SLC4A4: variants seen among roughly 807,000 people sequenced by gnomAD.
SLC4A4 encodes solute carrier family 4 member 4, also known as electrogenic sodium bicarbonate cotransporter 1.
SLC4A4 carries 27 observed loss-of-function variants against 111.5 expected under a neutral mutation model. The observed-to-expected ratio is 0.24, with a 90% CI of 0.18 to 0.33. The LOEUF is 0.33. SLC4A4 is among the 10% of genes least tolerant of loss of function. The pLI, the probability that SLC4A4 is intolerant of heterozygous loss-of-function variation, is 1.00. For synonymous variants in SLC4A4, 443 were observed against 463.4 expected, an observed-to-expected ratio of 0.96 and a Z score of 0.57; for missense variants, 909 against 1,315.5, an observed-to-expected ratio of 0.69 and a Z score of 4.78.
At chr4:71,336,038 A>G (rs1227096232) in intron 3 of SLC4A4, among the ~76,000 whole-genome samples, 1 of 152,220 alleles carries the variant, frequency 6.6e-6, no homozygotes, top group Non-Finnish European at 1.5e-5. Context: ...ACTCTGTAAG[A>G]TCAGAGATCT....
intron 6 of SLC4A4, among the ~76,000 whole-genome samples, chr4:71,369,154 G>A (rs537838895): frequency 1.3e-5 from 2 of 152,284 alleles, no homozygotes; most frequent in African/African-American, 4.8e-5. Flanking sequence ...TCAATGGCTG[G>A]GGAAAGGGCA....
At chr4:71,280,772 A>G (rs938222187) in intron 3 of SLC4A4, among the ~76,000 whole-genome samples, 1 of 152,034 alleles carries the variant, frequency 6.6e-6, no homozygotes, top group Non-Finnish European at 1.5e-5. Flanking sequence ...TTTCTCTGTT[A>G]TCTTTTAAAA....
intron 2 of SLC4A4, among the ~76,000 whole-genome samples, chr4:71,162,550 C>G (rs762056733): frequency 6.6e-6 from 1 of 152,136 alleles, no homozygotes; most frequent in Non-Finnish European, 1.5e-5. Context: ...TCTTATTGCT[C>G]CTTGTCCTTA....
chr4:71,174,488 T>A (rs564309262), intron 2 of SLC4A4, among the ~76,000 whole-genome samples: 11 of 152,122 alleles, frequency 7.2e-5, no homozygotes, highest in African/African-American at 2.7e-4. Flanking sequence ...ACTCAAGTAA[T>A]CCACCCACTT....
At chr4:71,465,716 ATTAT>A (rs1392168736) in intron 12 of SLC4A4, among the ~76,000 whole-genome samples, 1 of 151,900 alleles carries the variant, frequency 6.6e-6, no homozygotes, top group East Asian at 2.0e-4. Flanking sequence ...CTTTGTTTTT[ATTAT>A]TCTAAAGGAA....
intron 3 of SLC4A4, among the ~76,000 whole-genome samples, chr4:71,293,993 A>C (rs2579340): frequency 0.033 from 4,959 of 152,290 alleles, 286 homozygotes; most frequent in African/African-American, 0.11. Flanking sequence ...ATACATGATA[A>C]AGAAATTCTG....
Position 71,487,073 on chromosome 4 carries a change from G to T in SLC4A4, c.1974+55G>T, listed in dbSNP as rs557329063. 3 of 1,012,194 alleles carry T rather than the reference G, an allele frequency of 3.0e-6. No individual in the cohort carries two copies. The Admixed American group carries it at 5.2e-5, about 17-fold the overall frequency. The allele number at this position is 1,012,194 out of a possible 1,614,324, so 62.7% of individuals were successfully genotyped here. The stretch of plus-strand genomic sequence containing the variant: ...CATACTGACTGCATATTGTATACTT[G>T]TTTATAATACTTATAATATATGATG... On this transcript the variant is annotated intron_variant, in intron 15 of 25. Transcript: ENST00000264485.
chr4:71,080,567 G>A (rs774612126), intron 1 of SLC4A4, among the ~76,000 whole-genome samples: 1 of 152,068 alleles, frequency 6.6e-6, no homozygotes, highest in Non-Finnish European at 1.5e-5. Flanking sequence ...AATGGTCTCA[G>A]GTGTTTTCCC....
At chr4:71,540,688 A>T (rs1414227489) in intron 18 of SLC4A4, among the ~76,000 whole-genome samples, 2 of 151,926 alleles carry the variant, frequency 1.3e-5, no homozygotes, top group African/African-American at 4.8e-5. Flanking sequence ...GTTGGAATTG[A>T]CCATGCCTTT....
intron 2 of SLC4A4, among the ~76,000 whole-genome samples, chr4:71,252,487 A>G (rs538528011): frequency 2.0e-5 from 3 of 152,176 alleles, no homozygotes; most frequent in Non-Finnish European, 2.9e-5. Flanking sequence ...CAAGACAGAA[A>G]AGGAAAATTT....
chr4:71,548,954 A>G (rs1406856803), intron 20 of SLC4A4, among the ~76,000 whole-genome samples: 2 of 151,976 alleles, frequency 1.3e-5, no homozygotes, highest in Admixed American at 6.6e-5. Context: ...CAGTTAAAAT[A>G]TGTAATTATT....
chr4:71,262,694 G>T (rs1560825251), intron 3 of SLC4A4, among the ~76,000 whole-genome samples: 3 of 151,998 alleles, frequency 2.0e-5, no homozygotes, highest in Admixed American at 6.6e-5. Context: ...TTCAGACAAG[G>T]CTGCCAGACA....
chr4:71,334,630 A>T (rs1314824387), intron 3 of SLC4A4, among the ~76,000 whole-genome samples: 1 of 152,154 alleles, frequency 6.6e-6, no homozygotes, highest in Non-Finnish European at 1.5e-5. Context: ...TGGAATTTTA[A>T]TCCCCCAAAA....
intron 2 of SLC4A4, among the ~76,000 whole-genome samples, chr4:71,252,463 C>T (rs1721133351): frequency 6.6e-6 from 1 of 152,100 alleles, no homozygotes; most frequent in Admixed American, 6.6e-5. Flanking sequence ...TGTTCCTTGT[C>T]CTCTACCTGA....
chr4:71,135,829 T>C (rs1389749817), intron 2 of SLC4A4, among the ~76,000 whole-genome samples: 2 of 152,166 alleles, frequency 1.3e-5, no homozygotes, highest in Non-Finnish European at 2.9e-5. Flanking sequence ...TGGTATCTCA[T>C]GGTATTTAAC....
At chr4:71,103,775 T>A (rs1227290415) in intron 2 of SLC4A4, among the ~76,000 whole-genome samples, 1 of 151,256 alleles carries the variant, frequency 6.6e-6, no homozygotes, top group African/African-American at 2.4e-5. Context: ...TAAAGCAGTG[T>A]GGAGAGGGAA....
chr4:71,316,781 T>C (rs1726717321), intron 3 of SLC4A4, among the ~76,000 whole-genome samples: 1 of 152,058 alleles, frequency 6.6e-6, no homozygotes, highest in South Asian at 2.1e-4. Context: ...TTCAGCTCCT[T>C]CTTATAAGTG....
intron 2 of SLC4A4, among the ~76,000 whole-genome samples, chr4:71,128,961 T>C (rs759125059): frequency 3.3e-5 from 5 of 152,150 alleles, no homozygotes; most frequent in Non-Finnish European, 7.4e-5. Flanking sequence ...TCAAATATTC[T>C]CCGCCTTTGA....
chr4:71,229,638 C>A lies in SLC4A4; in HGVS notation c.-1-6938C>A, dbSNP rs547249211. The stretch of plus-strand genomic sequence containing the variant: ...GAGATTTGCTTCGCTTTGTTGCTGG[C>A]TGATCTCCGGGAGTCATCACTGCTA... On this transcript the variant is annotated intron_variant, in intron 1 of 25. Coordinates refer to ENST00000264485, the MANE Select transcript of SLC4A4 (RefSeq NM_001098484.3). Among the ~76,000 whole-genome samples, 7 of 152,180 alleles carry A rather than the reference C, an allele frequency of 4.6e-5. No individual in the cohort carries two copies. The South Asian group carries it at 1.5e-3, about 32-fold the overall frequency.
Sources: allele counts gnomAD v4.1 joint callset (sites outside exome capture counted in the v4.1 genomes callset), GRCh38; gene constraint gnomAD v4.1.1; transcripts MANE v1.5; gene names NCBI Gene and HGNC (gene_info 2026-07-23, HGNC 2026-07-21).